The following IQCH variants were observed in gnomAD, a reference collection of about 807,000 sequenced individuals.
IQCH encodes IQ domain-containing protein H.
In IQCH, 98 loss-of-function variants were observed where a neutral mutation model predicts 117.0. The ratio of observed to expected loss-of-function variants is 0.84; its 90% CI spans 0.71 to 0.99. IQCH has a LOEUF of 0.99. IQCH is among the 50% of genes least tolerant of loss of function. The pLI, the probability that IQCH is intolerant of heterozygous loss-of-function variation, is 0.00. For missense variants in IQCH, 1,102 were observed against 1,243.8 expected (o/e 0.89, Z 1.72); for synonymous variants, 412 against 448.2 (o/e 0.92, Z 1.02).
At position 67,408,869 on chromosome 15, in the gene IQCH, A is replaced by G. The variant is rs907181112; in HGVS notation, c.2098-8062A>G. On this transcript the variant is annotated intron_variant, in intron 14 of 20. Transcript: ENST00000335894. This position sits in a 1 kb window ranked among gnomAD's most constrained non-coding sequence, Gnocchi z 4.2. ...TACTTATGGCTGATTTTAAAACCACATGGTTTCTGCTTTAAAATATTGCAT... is the reference window on the plus strand; with the variant it reads ...TACTTATGGCTGATTTTAAAACCACGTGGTTTCTGCTTTAAAATATTGCAT... 6.6e-6 allele frequency among the ~76,000 whole-genome samples: 1 copy of G among 152,180 alleles called. No individual in the cohort carries two copies. The highest frequency in any genetic ancestry group is 1.5e-5 in the Non-Finnish European group (1 of 68,038).
intron 4 of IQCH, among the ~76,000 whole-genome samples, chr15:67,323,539 G>T (rs1968248101): frequency 6.6e-6 from 1 of 152,078 alleles, no homozygotes; most frequent in Non-Finnish European, 1.5e-5. Context: ...ACCGTGCCCA[G>T]CCAGGGTTAC....
In IQCH at chr15:67,424,493, C is replaced by G. The variant is rs940049696; in HGVS notation, c.2505+2916C>G. 6.6e-6 allele frequency among the ~76,000 whole-genome samples: 1 copy of G among 152,178 alleles called. No individual in the cohort carries two copies. The highest frequency in any genetic ancestry group is 2.4e-5 in the African/African-American group (1 of 41,446). On this transcript the variant is annotated intron_variant, in intron 16 of 20. Coordinates refer to ENST00000335894, the MANE Select transcript of IQCH (RefSeq NM_001031715.3). This position sits in a 1 kb window ranked among gnomAD's most constrained non-coding sequence, Gnocchi z 4.9. Reference sequence around the variant, plus strand: ...TTTCTCCTCCTATTAATTGTAAGCTCTTTTAAGCGATGTGCTGTGTTTCTT... The same window carrying G: ...TTTCTCCTCCTATTAATTGTAAGCTGTTTTAAGCGATGTGCTGTGTTTCTT...
At position 67,481,772 on chromosome 15, in the gene IQCH, T is replaced by TA. The variant is rs1333909095; in HGVS notation, c.2799+5955dup. On this transcript the variant is annotated intron_variant, in intron 18 of 20. Coordinates refer to ENST00000335894, the MANE Select transcript of IQCH (RefSeq NM_001031715.3). The surrounding 1 kb of genome is among the most constrained non-coding windows in gnomAD (Gnocchi z 4.1). ...TCCATGTTGTAGCTATTGCTACTTG[T>TA]AGCTGATTGAAATCAAACAGATTAG... Among the ~76,000 whole-genome samples the TA allele has an allele frequency of 6.6e-6, 1 of 152,250 alleles. No individual in the cohort carries two copies. The highest frequency in any genetic ancestry group is 1.5e-5 in the Non-Finnish European group (1 of 68,040).
chr15:67,323,443 C>T (rs1365048030), intron 4 of IQCH, among the ~76,000 whole-genome samples: 4 of 151,952 alleles, frequency 2.6e-5, no homozygotes, highest in East Asian at 3.9e-4. Context: ...GGGGTTTCAC[C>T]GTGTTAGCCA....
chr15:67,434,780 C>CTTT (rs201003525), intron 16 of IQCH, among the ~76,000 whole-genome samples: 5 of 138,772 alleles, frequency 3.6e-5, no homozygotes, highest in East Asian at 2.1e-4. Flanking sequence ...CTTTTCTTTT[C>CTTT]TTTTCTTTTT....
chr15:67,268,074 C>T (rs1212023587), intron 3 of IQCH, among the ~76,000 whole-genome samples: 1 of 152,168 alleles, frequency 6.6e-6, no homozygotes, highest in African/African-American at 2.4e-5. Flanking sequence ...ACTGATGAGG[C>T]TCAAGTCCTA....
intron 4 of IQCH, among the ~76,000 whole-genome samples, chr15:67,282,916 A>G (rs938944408): frequency 1.3e-5 from 2 of 152,172 alleles, no homozygotes; most frequent in African/African-American, 2.4e-5. Flanking sequence ...TTTTAATTTG[A>G]AAAAGCATAC....
At chr15:67,296,174 T>TTGAA (rs1292943276) in intron 4 of IQCH, among the ~76,000 whole-genome samples, 1 of 152,214 alleles carries the variant, frequency 6.6e-6, no homozygotes, top group African/African-American at 2.4e-5. Flanking sequence ...CAAGAAATGT[T>TTGAA]TGAATGAATG....
intron 16 of IQCH, among the ~76,000 whole-genome samples, chr15:67,449,072 T>C (rs982481140): frequency 7.8e-4 from 3 of 3,848 alleles, no homozygotes; most frequent in Non-Finnish European, 2.3e-3. Context: ...GATGGGGTTG[T>C]TTGTTTTTTT....
intron 1 of IQCH, among the ~76,000 whole-genome samples, chr15:67,258,834 T>C (rs1328721322): frequency 6.6e-6 from 1 of 152,218 alleles, no homozygotes; most frequent in Non-Finnish European, 1.5e-5. Context: ...TTCAATATGG[T>C]AGATTGGATC....
In IQCH at chr15:67,416,951, C is replaced by G. The variant is rs756658218; in HGVS notation, c.2118C>G (p.Ile706Met). 6 of 1,605,640 alleles carry G rather than the reference C, an allele frequency of 3.7e-6. No individual in the cohort carries two copies. The highest frequency in any genetic ancestry group is 5.1e-6 in the Non-Finnish European group (6 of 1,176,566). Reference protein sequence around the residue: ...KWAQEPALVKISEELAGILAQ... With the variant: ...KWAQEPALVKMSEELAGILAQ... ...TGCAGGAGCCAGCTTTGGTGAAGAT[C>G]TCTGAGGAGCTGGCGGGCATTTTAG... Residue 706 changes from isoleucine (I) to methionine (M), a missense_variant, in exon 15 of 21, where the codon ATC (isoleucine) becomes ATG (methionine). By Grantham distance (10) the Ile-to-Met change is conservative. Around this residue, in one of 2 missense-constraint regions of IQCH, gnomAD observed 650 missense variants for 794.3 expected, o/e 0.82. Coordinates refer to ENST00000335894, the MANE Select transcript of IQCH (RefSeq NM_001031715.3). The surrounding 1 kb of genome is among the most constrained non-coding windows in gnomAD (Gnocchi z 5.1).
At chr15:67,327,646 A>C (rs1968469815) in intron 4 of IQCH, among the ~76,000 whole-genome samples, 1 of 152,192 alleles carries the variant, frequency 6.6e-6, no homozygotes, top group Non-Finnish European at 1.5e-5. Context: ...TAAAGTGCTG[A>C]TTCTTATTCA....
rs777707032 is a variant in IQCH at position 67,466,172 on chromosome 15, C to T, written c.2676+875C>T. On this transcript the variant is annotated intron_variant, in intron 17 of 20. Coordinates refer to ENST00000335894, the MANE Select transcript of IQCH (RefSeq NM_001031715.3). The surrounding 1 kb of genome is among the most constrained non-coding windows in gnomAD (Gnocchi z 4.4). Reference sequence around the variant, plus strand: ...GGGGCCAGAGTCCTGGGGCTGGCTGCGGGTTACCAACCTCAGCACCCTGAG... The same window carrying T: ...GGGGCCAGAGTCCTGGGGCTGGCTGTGGGTTACCAACCTCAGCACCCTGAG... Among the ~76,000 whole-genome samples the T allele has an allele frequency of 9.2e-5, 14 of 152,136 alleles. No homozygotes were observed. The highest frequency in any genetic ancestry group is 1.9e-4 in the Non-Finnish European group (13 of 68,030).
In IQCH at chr15:67,427,829, AT is replaced by A. The variant is rs34065535; in HGVS notation, c.2505+6269del. Among the ~76,000 whole-genome samples, 1,564 of 141,452 alleles carry A rather than the reference AT, an allele frequency of 0.011. 8 individuals are homozygous for A. The highest frequency in any genetic ancestry group is 0.027 in the Middle Eastern group (7 of 258). 92.8% of individuals were successfully genotyped at this position (141,452 alleles called of 152,430 possible). The stretch of plus-strand genomic sequence containing the variant: ...CAAGTAGTCTAAATTCCAATAATAG[AT>A]TTTTTTTTTTTTTTTTGAAGCAGAA... On this transcript the variant is annotated intron_variant, in intron 16 of 20. Coordinates refer to ENST00000335894, the MANE Select transcript of IQCH (RefSeq NM_001031715.3). This position sits in a 1 kb window ranked among gnomAD's most constrained non-coding sequence, Gnocchi z 4.7.
At chr15:67,421,936 T>TA (rs1252455135) in intron 16 of IQCH, among the ~76,000 whole-genome samples, 1 of 152,068 alleles carries the variant, frequency 6.6e-6, no homozygotes, top group Non-Finnish European at 1.5e-5. Flanking sequence ...CTGTCTCTAC[T>TA]AAAAATACAA....
Position 67,385,043 on chromosome 15 carries a change from A to G in IQCH, c.1456+24A>G, listed in dbSNP as rs1971067196. The G allele has an allele frequency of 7.1e-7, 1 of 1,399,074 alleles. No individual in the cohort carries two copies. Among genetic ancestry groups the G allele is most frequent in the African/African-American group, 1.4e-5 (1 of 70,606 alleles). The allele number at this position is 1,399,074 out of a possible 1,614,324, so 86.7% of individuals were successfully genotyped here. On this transcript the variant is annotated intron_variant, in intron 11 of 20. Transcript: ENST00000335894. This position sits in a 1 kb window ranked among gnomAD's most constrained non-coding sequence, Gnocchi z 4.6. Reference sequence around the variant, plus strand: ...AGGTACAGTAAATAGTTTTACACAAATGACTCTTTGGAATGTTTATCAGTG... The same window carrying G: ...AGGTACAGTAAATAGTTTTACACAAGTGACTCTTTGGAATGTTTATCAGTG...
chr15:67,468,550 A>C (rs535270172), intron 17 of IQCH, among the ~76,000 whole-genome samples: 38 of 152,380 alleles, frequency 2.5e-4, no homozygotes, highest in African/African-American at 9.1e-4. Flanking sequence ...TCTTCTAGAC[A>C]GATGAGGCTA....
intron 8 of IQCH, among the ~76,000 whole-genome samples, chr15:67,363,262 G>A (rs1285037107): frequency 6.9e-6 from 1 of 145,522 alleles, no homozygotes; most frequent in African/African-American, 2.6e-5. Flanking sequence ...TTTAGATGGA[G>A]TCTTGCTCTC....
intron 4 of IQCH, among the ~76,000 whole-genome samples, chr15:67,280,268 C>T (rs1249039723): frequency 6.6e-6 from 1 of 152,192 alleles, no homozygotes; most frequent in East Asian, 1.9e-4. Context: ...TTAACAGAGC[C>T]AGGTGGCAAA....
Sources: gnomAD v4.1 joint callset for allele counts (sites outside exome capture counted in the v4.1 genomes callset) on GRCh38, gnomAD v4.1.1 for gene constraint, gnomAD v4.1.1 regional missense constraint, Gnocchi (gnomAD v3.1) non-coding constraint, MANE v1.5 for transcripts, NCBI Gene and HGNC (gene_info 2026-07-23, HGNC 2026-07-21) for gene names.